Variants in GDPD5 observed in about 807,000 individuals in gnomAD.
GDPD5 encodes the protein glycerophosphodiester phosphodiesterase 2.
A neutral mutation model predicts 75.1 loss-of-function variants in GDPD5; 48 were observed. That is an observed-to-expected ratio of 0.64 (90% CI 0.51 to 0.81). The LOEUF is 0.81. Among genes scored for constraint, GDPD5 ranks in the 40% least tolerant of loss-of-function variants. GDPD5 has a pLI of 0.00. For missense variants in GDPD5, 706 were observed against 822.6 expected (o/e 0.86, Z 1.73); for synonymous variants, 336 against 339.0 (o/e 0.99, Z 0.10).
intron 2 of GDPD5, among the ~76,000 whole-genome samples, chr11:75,479,839 G>A (rs576119866): frequency 5.9e-5 from 9 of 152,198 alleles, no homozygotes; most frequent in East Asian, 1.9e-4. Context: ...TCTTTCACGT[G>A]GCATAATGTT....
intron 1 of GDPD5, among the ~76,000 whole-genome samples, chr11:75,493,611 G>T (rs1468742936): frequency 6.6e-6 from 1 of 152,080 alleles, no homozygotes; most frequent in Non-Finnish European, 1.5e-5. Flanking sequence ...CTGTTAAGAT[G>T]CTGTGAAGGT....
chr11:75,442,468 T>C lies in GDPD5; in HGVS notation c.1062A>G (p.Thr354=). The C allele has an allele frequency of 6.2e-7, 1 of 1,613,724 alleles. No individual in the cohort carries two copies. Among genetic ancestry groups the C allele is most frequent in the Non-Finnish European group, 8.5e-7 (1 of 1,179,928 alleles). The change falls in exon 12 of 17, where the codon ACA becomes ACG. Residue 354 remains threonine, a synonymous_variant. Transcript: ENST00000336898. ...ELLELAKGNA[T]LLLNLRDPPR... ...GCGGGTCACGCAGGTTGAGCAGCAG[T>C]GTGGCATTGCCCTTGGCCAGCTCCA... is the stretch of plus-strand genomic sequence containing the variant.
intron 14 of GDPD5, among the ~76,000 whole-genome samples, chr11:75,440,339 T>C (rs1948754127): frequency 6.6e-6 from 1 of 152,108 alleles, no homozygotes; most frequent in Non-Finnish European, 1.5e-5. Context: ...GTCTCGACCC[T>C]TTCCCCAGGC....
chr11:75,459,317 AG>A (rs1324977077), intron 4 of GDPD5, among the ~76,000 whole-genome samples: 1 of 149,016 alleles, frequency 6.7e-6, no homozygotes, highest in South Asian at 2.1e-4. Context: ...ATACAATTAT[AG>A]GGTCAAAGAG....
intron 6 of GDPD5, chr11:75,450,375 G>A (rs1949109625): frequency 3.9e-6 from 1 of 258,650 alleles, no homozygotes; most frequent in Non-Finnish European, 7.5e-6. Context: ...GCATGGCACA[G>A]CAGAGGAGGA....
chr11:75,484,048 A>G (rs1216735047), intron 2 of GDPD5, among the ~76,000 whole-genome samples: 1 of 152,104 alleles, frequency 6.6e-6, no homozygotes, highest in Non-Finnish European at 1.5e-5. Context: ...TTAGCTGGGC[A>G]GTAGTGGCAG....
At chr11:75,520,000 A>C (rs1369802855) in intron 1 of GDPD5, among the ~76,000 whole-genome samples, 1 of 152,170 alleles carries the variant, frequency 6.6e-6, no homozygotes, top group Non-Finnish European at 1.5e-5. Flanking sequence ...CTGAGAAGAA[A>C]ACCCAAGTCC....
At chr11:75,516,000 A>G (rs185212524) in intron 1 of GDPD5, 2 of 152,028 alleles carry the variant, frequency 1.3e-5, no homozygotes, top group Middle Eastern at 3.4e-3. Flanking sequence ...TATTCAGTGG[A>G]CTCCCGGGCT....
chr11:75,456,906 C>G, intron 5 of GDPD5, 90 bp from the exon 6 acceptor site: 1 of 1,302,606 alleles, frequency 7.7e-7, no homozygotes, highest in Admixed American at 1.7e-5. Context: ...CACTGCGGCT[C>G]TGGGCCTGAC....
intron 1 of GDPD5, among the ~76,000 whole-genome samples, chr11:75,515,040 A>G (rs1950607594): frequency 6.6e-6 from 1 of 152,174 alleles, no homozygotes; most frequent in East Asian, 1.9e-4. Context: ...CCAAGCCAGA[A>G]TTCTGACTCC....
chr11:75,514,764 GACTTCAAT>G (rs1373908016), intron 1 of GDPD5, among the ~76,000 whole-genome samples: 1 of 152,216 alleles, frequency 6.6e-6, no homozygotes, highest in Non-Finnish European at 1.5e-5. Context: ...CAGCAGAGTG[GACTTCAAT>G]TAGTCTCAAG....
At chr11:75,439,440 A>C (rs1190243733) in intron 15 of GDPD5, 1 of 437,900 alleles carries the variant, frequency 2.3e-6, no homozygotes, top group African/African-American at 2.0e-5. Context: ...GGACAGAGAG[A>C]GAACATCAGT....
At chr11:75,509,173 C>T (rs1433958434) in intron 1 of GDPD5, among the ~76,000 whole-genome samples, 1 of 152,144 alleles carries the variant, frequency 6.6e-6, no homozygotes, top group Non-Finnish European at 1.5e-5. Flanking sequence ...ACAGGACAGA[C>T]AAGTTGGGTG....
At chr11:75,457,877 C>A in intron 4 of GDPD5, 91 bp from the exon 5 acceptor site, 1 of 948,716 alleles carries the variant, frequency 1.1e-6, no homozygotes, top group Admixed American at 2.1e-5. Flanking sequence ...ACACAGACGA[C>A]AGGCTGGGCT....
At chr11:75,487,194 A>G (rs1470239140) in intron 2 of GDPD5, among the ~76,000 whole-genome samples, 1 of 152,126 alleles carries the variant, frequency 6.6e-6, no homozygotes, top group East Asian at 1.9e-4. Context: ...TCTATTTTCC[A>G]TTGCATAGCC....
At chr11:75,510,930 G>A (rs72989924) in intron 1 of GDPD5, among the ~76,000 whole-genome samples, 3,925 of 152,318 alleles carry the variant, frequency 0.026, 77 homozygotes, top group Non-Finnish European at 0.043. Flanking sequence ...CCAAAGCAAC[G>A]ACCCAGAGCA....
intron 3 of GDPD5, among the ~76,000 whole-genome samples, chr11:75,468,678 C>T (rs530833091): frequency 1.7e-3 from 256 of 150,178 alleles, no homozygotes; most frequent in Non-Finnish European, 1.9e-3. Flanking sequence ...CCTCCCCCGA[C>T]GCCCCCCCCC....
intron 3 of GDPD5, among the ~76,000 whole-genome samples, chr11:75,465,830 G>C (rs1386382060): frequency 6.6e-6 from 1 of 152,216 alleles, no homozygotes; most frequent in African/African-American, 2.4e-5. Flanking sequence ...GGATGGGTCT[G>C]GTCCCAGGCA....
chr11:75,444,398 C>T lies in GDPD5; in HGVS notation c.797+15G>A, dbSNP rs1412187166. 6.2e-7 allele frequency: 1 copy of T among 1,600,734 alleles called. No homozygotes were observed. Among genetic ancestry groups the T allele is most frequent in the Non-Finnish European group, 8.6e-7 (1 of 1,168,218 alleles). On this transcript the variant is annotated intron_variant, in intron 10 of 16. Transcript: ENST00000336898. ...GGGAGGGGTAGAGGAACTATCTCCC[C>T]TCCGCTACACCTACCTGATGGTAAT...
Sources: allele counts gnomAD v4.1 joint callset (sites outside exome capture counted in the v4.1 genomes callset), GRCh38; gene constraint gnomAD v4.1.1; transcripts MANE v1.5; gene names NCBI Gene and HGNC (gene_info 2026-07-23, HGNC 2026-07-21).